The following SHISA9 variants were observed in gnomAD, a reference collection of about 807,000 sequenced individuals.
SHISA9 encodes protein shisa-9.
In SHISA9, 13 loss-of-function variants were observed where a neutral mutation model predicts 38.0. The ratio of observed to expected loss-of-function variants is 0.34; its 90% confidence interval spans 0.22 to 0.54. SHISA9 has a LOEUF of 0.54. Among genes scored for constraint, SHISA9 ranks in the 20% least tolerant of loss-of-function variants. The pLI is 0.91. For synonymous variants in SHISA9, 275 were observed against 242.0 expected (o/e 1.14, Z -1.27); for missense variants, 538 against 575.8 (o/e 0.93, Z 0.67).
chr16:13,179,078 T>C (rs2050756093), intron 2 of SHISA9, among the ~76,000 whole-genome samples: 1 of 152,168 alleles, frequency 6.6e-6, no homozygotes, highest in Non-Finnish European at 1.5e-5. Context: ...CCCAGCATTT[T>C]GGGAGGCCGA....
In SHISA9 at chr16:13,035,194, T is replaced by C. The variant is rs561541783; in HGVS notation, c.691+118379T>C. ...AATTAATAGCTCTATATTTTGAGTA[T>C]TCACTATGCAGCATACAACTATGTA... On this transcript the variant is annotated intron_variant, in intron 2 of 4. Coordinates refer to ENST00000558583, the MANE Select transcript of SHISA9 (RefSeq NM_001145204.3). Among the ~76,000 whole-genome samples, 65 of 152,324 alleles carry C rather than the reference T, an allele frequency of 4.3e-4. 2 individuals are homozygous for C. The South Asian group carries it at 0.013, about 30-fold the overall frequency.
chr16:13,352,245 C>T, the SHISA9 span, among the ~76,000 whole-genome samples: 1 of 152,176 alleles, frequency 6.6e-6, no homozygotes, highest in Non-Finnish European at 1.5e-5. Context: ...GGTCTGATTT[C>T]TTTGACTTCA....
chr16:13,267,393 C>T, the SHISA9 span, among the ~76,000 whole-genome samples: 1 of 152,034 alleles, frequency 6.6e-6, no homozygotes, highest in East Asian at 1.9e-4. Context: ...ATGAGACTAC[C>T]CAAACTGATG....
the SHISA9 span, among the ~76,000 whole-genome samples, chr16:13,362,490 G>T: frequency 6.6e-6 from 1 of 152,098 alleles, no homozygotes; most frequent in Middle Eastern, 3.2e-3. Context: ...TGGCAAAGAT[G>T]GGGGAGCTGA....
the SHISA9 span, among the ~76,000 whole-genome samples, chr16:13,434,292 A>G: frequency 1.3e-5 from 2 of 152,096 alleles, no homozygotes; most frequent in Non-Finnish European, 2.9e-5. Context: ...TTCTCAGTCC[A>G]CTGACTCAGA....
Position 13,081,779 on chromosome 16 carries a change from G to A in SHISA9, c.692-121615G>A, listed in dbSNP as rs199553169. The stretch of plus-strand genomic sequence containing the variant: ...GAGGCAGAGAACTGCTTGAACCCGG[G>A]AGGCAGAGGTTGCAGTGAGGCAAGA... On this transcript the variant is annotated intron_variant, in intron 2 of 4. Coordinates refer to ENST00000558583, the MANE Select transcript of SHISA9 (RefSeq NM_001145204.3). Among the ~76,000 whole-genome samples the A allele has an allele frequency of 7.9e-5, 12 of 151,672 alleles. No individual in the cohort carries two copies. The East Asian group carries it at 2.3e-3, about 30-fold the overall frequency.
the SHISA9 span, among the ~76,000 whole-genome samples, chr16:13,263,046 C>T: frequency 6.6e-4 from 101 of 152,266 alleles, no homozygotes; most frequent in African/African-American, 1.9e-3. Flanking sequence ...TTTCTTGCAA[C>T]GTAACTATTC....
intron 2 of SHISA9, among the ~76,000 whole-genome samples, chr16:13,052,226 T>G (rs2073260360): frequency 6.6e-6 from 1 of 152,158 alleles, no homozygotes; most frequent in African/African-American, 2.4e-5. Context: ...CAAGTTAGAA[T>G]CCAGTCTCTG....
At chr16:13,530,468 T>G in the SHISA9 span, among the ~76,000 whole-genome samples, 1,145 of 152,324 alleles carry the variant, frequency 7.5e-3, 14 homozygotes, top group Middle Eastern at 0.048. Context: ...TGGTAAGCAC[T>G]TAAGACTGTG....
the SHISA9 span, among the ~76,000 whole-genome samples, chr16:13,389,659 T>C: frequency 1.3e-5 from 2 of 152,266 alleles, no homozygotes; most frequent in Non-Finnish European, 2.9e-5. Flanking sequence ...GCATTCCAGA[T>C]CACTTGGAAC....
At chr16:13,273,508 C>T in the SHISA9 span, among the ~76,000 whole-genome samples, 2 of 152,188 alleles carry the variant, frequency 1.3e-5, no homozygotes, top group African/African-American at 4.8e-5. Context: ...CTGCTGCCAT[C>T]CATGTAAGAT....
At chr16:13,392,942 G>A in the SHISA9 span, among the ~76,000 whole-genome samples, 1 of 152,246 alleles carries the variant, frequency 6.6e-6, no homozygotes, top group Non-Finnish European at 1.5e-5. Flanking sequence ...CTCCAGAGCT[G>A]TGAGATGATA....
chr16:12,955,310 C>A (rs931676050), intron 2 of SHISA9, among the ~76,000 whole-genome samples: 2 of 152,104 alleles, frequency 1.3e-5, no homozygotes, highest in African/African-American at 4.8e-5. Context: ...GTGACCCCTC[C>A]AACCAATGGC....
At chr16:13,394,485 C>A in the SHISA9 span, among the ~76,000 whole-genome samples, 14 of 152,200 alleles carry the variant, frequency 9.2e-5, no homozygotes, top group Admixed American at 9.2e-4. Context: ...CCATTCTACA[C>A]TCAGTTCAGA....
intron 2 of SHISA9, among the ~76,000 whole-genome samples, chr16:12,991,659 T>A (rs1393515734): frequency 6.6e-6 from 1 of 151,872 alleles, no homozygotes; most frequent in Non-Finnish European, 1.5e-5. Flanking sequence ...TCTATCAGAG[T>A]GGGTTGGAAG....
At chr16:13,011,827 T>A (rs1162624892) in intron 2 of SHISA9, among the ~76,000 whole-genome samples, 1 of 149,166 alleles carries the variant, frequency 6.7e-6, no homozygotes, top group Non-Finnish European at 1.5e-5. Context: ...GGCCTTTGAC[T>A]TTTTTTTTTT....
At chr16:13,443,744 C>T in the SHISA9 span, among the ~76,000 whole-genome samples, 1 of 152,208 alleles carries the variant, frequency 6.6e-6, no homozygotes, top group Non-Finnish European at 1.5e-5. Flanking sequence ...TTAACATTAA[C>T]AAAATGGCAC....
chr16:13,537,591 G>A, the SHISA9 span, among the ~76,000 whole-genome samples: 2 of 152,262 alleles, frequency 1.3e-5, no homozygotes, highest in Middle Eastern at 6.8e-3. Flanking sequence ...AGAAAGATTC[G>A]TGGTTACCAG....
chr16:13,394,031 T>C, the SHISA9 span, among the ~76,000 whole-genome samples: 3 of 152,236 alleles, frequency 2.0e-5, no homozygotes, highest in East Asian at 5.8e-4. Flanking sequence ...GACACTGGGT[T>C]AGCCATGTGA....
Sources: allele counts gnomAD v4.1 joint callset (sites outside exome capture counted in the v4.1 genomes callset), GRCh38; gene constraint gnomAD v4.1.1; transcripts MANE v1.5; gene names NCBI Gene and HGNC (gene_info 2026-07-23, HGNC 2026-07-21).